CEP128: variants seen among roughly 807,000 people sequenced by gnomAD.
The protein encoded by CEP128 is centrosomal protein 128, also known as centrosomal protein 128kDa.
CEP128 carries 132 observed loss-of-function variants against 156.7 expected under a neutral mutation model. The ratio of observed to expected loss-of-function variants is 0.84; its 90% CI spans 0.73 to 0.97. The LOEUF (loss-of-function observed/expected upper bound fraction) is 0.97, where lower values mean the gene tolerates loss of function less well. CEP128 is among the 50% of genes least tolerant of loss of function. The probability of loss-of-function intolerance (pLI) is 0.00; values close to 1 mark genes in which losing one functional copy is unlikely to be tolerated. For synonymous variants in CEP128, 469 were observed against 448.9 expected (o/e 1.04, Z -0.57); for missense variants, 1,252 against 1,281.9 (o/e 0.98, Z 0.36).
At chr14:80,862,423 C>T (rs896074951) in intron 9 of CEP128, among the ~76,000 whole-genome samples, 3 of 152,156 alleles carry the variant, frequency 2.0e-5, no homozygotes, top group Non-Finnish European at 2.9e-5. Flanking sequence ...TAACATTTTC[C>T]GAGCATATGA....
At chr14:80,507,854 A>C (rs1888051677) in intron 23 of CEP128, among the ~76,000 whole-genome samples, 1 of 152,230 alleles carries the variant, frequency 6.6e-6, no homozygotes. Context: ...TCTAAAAAAA[A>C]GTCAACTGGC....
intron 2 of CEP128, chr14:80,954,857 A>G (rs1886570001): frequency 6.6e-6 from 1 of 152,456 alleles, no homozygotes; most frequent in African/African-American, 2.4e-5. Flanking sequence ...CAGAATTTCC[A>G]TACTGGACCC....
chr14:80,836,642 T>C (rs1566661078), intron 11 of CEP128, among the ~76,000 whole-genome samples: 1 of 152,224 alleles, frequency 6.6e-6, no homozygotes, highest in Non-Finnish European at 1.5e-5. Context: ...GTATTATACT[T>C]CTTATATTTT....
intron 15 of CEP128, among the ~76,000 whole-genome samples, chr14:80,780,446 A>T (rs565166228): frequency 6.6e-6 from 1 of 152,268 alleles, no homozygotes; most frequent in South Asian, 2.1e-4. Flanking sequence ...GGCTCACACA[A>T]TCTCTGGCCA....
intron 19 of CEP128, among the ~76,000 whole-genome samples, chr14:80,654,736 C>G (rs1310166095): frequency 6.6e-6 from 1 of 151,644 alleles, no homozygotes; most frequent in Non-Finnish European, 1.5e-5. Flanking sequence ...TTGCCTTTTT[C>G]TCTTTCTACT....
chr14:80,637,102 G>A (rs68058055), intron 19 of CEP128, among the ~76,000 whole-genome samples: 16 of 79,294 alleles, frequency 2.0e-4, no homozygotes, highest in South Asian at 1.1e-3. Context: ...AAAAAAAAAA[G>A]AAAAGAAAAT....
intron 2 of CEP128, among the ~76,000 whole-genome samples, chr14:80,936,022 C>T (rs773467506): frequency 5.9e-5 from 9 of 152,180 alleles, no homozygotes; most frequent in African/African-American, 1.7e-4. Context: ...CAGTTCCAGG[C>T]TGTATTTTTG....
chr14:80,821,600 T>TACATACAC (rs1430951231), intron 13 of CEP128, among the ~76,000 whole-genome samples: 43 of 145,378 alleles, frequency 3.0e-4, no homozygotes, highest in African/African-American at 1.1e-3. Flanking sequence ...CATACACACA[T>TACATACAC]ACACACACAC....
chr14:80,678,826 G>C (rs1434920024), intron 19 of CEP128, among the ~76,000 whole-genome samples: 1 of 152,124 alleles, frequency 6.6e-6, no homozygotes, highest in Non-Finnish European at 1.5e-5. Flanking sequence ...TTTTTAATTT[G>C]GGTCCATGTT....
At chr14:80,740,496 A>AGATAGATAGAT (rs1555397276) in intron 19 of CEP128, among the ~76,000 whole-genome samples, 5 of 45,328 alleles carry the variant, frequency 1.1e-4, no homozygotes, top group African/African-American at 4.3e-4. Flanking sequence ...ATTTATATCT[A>AGATAGATAGAT]GATAGATAGA....
intron 19 of CEP128, among the ~76,000 whole-genome samples, chr14:80,729,427 G>A (rs1357053631): frequency 6.6e-6 from 1 of 151,822 alleles, no homozygotes; most frequent in African/African-American, 2.4e-5. Context: ...TTGATTGGTG[G>A]GTATTTGGGC....
intron 19 of CEP128, among the ~76,000 whole-genome samples, chr14:80,711,333 G>C (rs1179440223): frequency 6.8e-6 from 1 of 146,848 alleles, no homozygotes; most frequent in East Asian, 2.0e-4. Context: ...GTGTGTGTGT[G>C]TCTATATGTC....
chr14:80,914,361 G>C lies in CEP128; in HGVS notation c.195C>G (p.Tyr65Ter), dbSNP rs1181620451. 1 of 1,613,840 alleles carries C rather than the reference G, an allele frequency of 6.2e-7. No individual in the cohort carries two copies. Among genetic ancestry groups the C allele is most frequent in the Admixed American group, 1.7e-5 (1 of 60,006 alleles). The change falls in exon 4 of 25, where the codon TAC (tyrosine) becomes TAG (stop). Residue 65 changes from tyrosine (Y) to a stop codon, truncating the protein, a stop_gained. Transcript: ENST00000555265. LOFTEE classifies it high-confidence loss of function. ...LRQVDQMLGR[Y>*]REYSNGQAGA... ...CCGCCTGTCCATTACTGTATTCTCGGTATCGTCCAAGCATCTGGTCCACTT... is the reference window on the plus strand; with the variant it reads ...CCGCCTGTCCATTACTGTATTCTCGCTATCGTCCAAGCATCTGGTCCACTT...
rs139309900 is a variant in CEP128, at chr14:80,704,866, T to A, written c.2806+38209A>T. 3.9e-3 allele frequency among the ~76,000 whole-genome samples: 586 copies of A among 152,108 alleles called. 3 individuals are homozygous for A. Among genetic ancestry groups the A allele is most frequent in the African/African-American group, 0.013 (560 of 41,510 alleles). ...CTTTTATTGTAGAAATTTTCAAGCC[T>A]ATTCAAAAACAGAGTAGATCAGTTT... On this transcript the variant is annotated intron_variant, in intron 19 of 24. Coordinates refer to ENST00000555265, the MANE Select transcript of CEP128 (RefSeq NM_152446.5).
intron 24 of CEP128, among the ~76,000 whole-genome samples, chr14:80,501,893 C>T (rs193140638): frequency 6.6e-6 from 1 of 152,076 alleles, no homozygotes; most frequent in East Asian, 1.9e-4. Context: ...CCATAAGACA[C>T]GTCCACAAGT....
intron 4 of CEP128, among the ~76,000 whole-genome samples, chr14:80,912,154 T>G (rs1594837626): frequency 6.6e-6 from 1 of 151,604 alleles, no homozygotes; most frequent in South Asian, 2.1e-4. Flanking sequence ...GAGGCGGAGG[T>G]TGCAGTGAGC....
At chr14:80,753,759 C>T (rs888610961) in intron 18 of CEP128, among the ~76,000 whole-genome samples, 1 of 152,180 alleles carries the variant, frequency 6.6e-6, no homozygotes, top group Non-Finnish European at 1.5e-5. Context: ...AATACTGCCA[C>T]GAATTTGCCT....
At chr14:80,704,924 A>G (rs964826849) in intron 19 of CEP128, among the ~76,000 whole-genome samples, 1 of 152,082 alleles carries the variant, frequency 6.6e-6, no homozygotes, top group African/African-American at 2.4e-5. Flanking sequence ...TCCAATCATC[A>G]TCAATGCATG....
At chr14:80,926,592 C>CA (rs1885161452) in intron 2 of CEP128, among the ~76,000 whole-genome samples, 1 of 152,194 alleles carries the variant, frequency 6.6e-6, no homozygotes, top group Non-Finnish European at 1.5e-5. Context: ...ACACAACAGA[C>CA]AGAGACTTTT....
Sources: gnomAD v4.1 joint callset for allele counts (sites outside exome capture counted in the v4.1 genomes callset) on GRCh38, gnomAD v4.1.1 for gene constraint, MANE v1.5 for transcripts, NCBI Gene and HGNC (gene_info 2026-07-23, HGNC 2026-07-21) for gene names.